PDZD2: variants seen among roughly 807,000 people sequenced by gnomAD.
PDZD2 encodes PDZ domain containing 2.
PDZD2 carries 90 observed loss-of-function variants against 220.7 expected under a neutral mutation model. The ratio of observed to expected loss-of-function variants is 0.41; its 90% CI spans 0.34 to 0.49. The LOEUF (loss-of-function observed/expected upper bound fraction) is 0.49. PDZD2 is among the 20% of genes least tolerant of loss of function. PDZD2 has a pLI of 0.28. For synonymous variants in PDZD2, 1,375 were observed against 1,450.5 expected, an observed-to-expected ratio of 0.95 and a Z score of 1.18; for missense variants, 3,174 against 3,608.5, an observed-to-expected ratio of 0.88 and a Z score of 3.08.
At chr5:31,842,633 T>C (rs897570578) in intron 2 of PDZD2, among the ~76,000 whole-genome samples, 1 of 152,336 alleles carries the variant, frequency 6.6e-6, no homozygotes, top group South Asian at 2.1e-4. Flanking sequence ...CACAGTTTCA[T>C]TGCTTGCGGA....
rs144635026 is a variant in PDZD2, at chr5:32,011,541, G to A, written c.1407+1059G>A. ...TAAGGCTCTGTGGTCTCTTCTTTGC[G>A]TCCCAAATCTGAAAGATGTGTCATT... On this transcript the variant is annotated intron_variant, in intron 6 of 24. Coordinates refer to ENST00000438447, the MANE Select transcript of PDZD2 (RefSeq NM_178140.4). 4.3e-3 allele frequency among the ~76,000 whole-genome samples: 652 copies of A among 152,036 alleles called. 2 individuals are homozygous for A. Among genetic ancestry groups the A allele is most frequent in the African/African-American group, 0.015 (614 of 41,492 alleles).
Position 32,012,295 on chromosome 5 carries a change from G to T in PDZD2, c.1407+1813G>T, listed in dbSNP as rs117391701. ...GCGAGGACAGCCCTGCAGCACGTCT[G>T]CACCCCCTCTGCTGAGCCTCCAAGC... On this transcript the variant is annotated intron_variant, in intron 6 of 24. Coordinates refer to ENST00000438447, the MANE Select transcript of PDZD2 (RefSeq NM_178140.4). Among the ~76,000 whole-genome samples the T allele has an allele frequency of 5.5e-4, 84 of 152,276 alleles. 1 individual carries two copies. The East Asian group carries it at 0.014, about 24-fold the overall frequency.
chr5:31,743,512 T>C (rs999451792), intron 1 of PDZD2, among the ~76,000 whole-genome samples: 2 of 152,188 alleles, frequency 1.3e-5, no homozygotes, highest in Non-Finnish European at 2.9e-5. Context: ...AGTGGAAGTC[T>C]GTCATATTTT....
chr5:31,954,572 A>G (rs932535022), intron 2 of PDZD2, among the ~76,000 whole-genome samples: 1 of 152,174 alleles, frequency 6.6e-6, no homozygotes, highest in Non-Finnish European at 1.5e-5. Flanking sequence ...ACGAGGTTAC[A>G]AAAGTACCAT....
intron 6 of PDZD2, among the ~76,000 whole-genome samples, chr5:32,035,046 A>G (rs1321929207): frequency 6.6e-6 from 1 of 152,104 alleles, no homozygotes; most frequent in Admixed American, 6.5e-5. Flanking sequence ...TTGTTTTCTC[A>G]ATGCCCCTTT....
chr5:31,784,020 CAG>C (rs1402657590), intron 1 of PDZD2, among the ~76,000 whole-genome samples: 3 of 152,184 alleles, frequency 2.0e-5, no homozygotes, highest in African/African-American at 7.2e-5. Context: ...CACAGGGCCT[CAG>C]GGCTCTGGGA....
intron 2 of PDZD2, among the ~76,000 whole-genome samples, chr5:31,942,807 T>G (rs1746321249): frequency 6.6e-6 from 1 of 152,314 alleles, no homozygotes; most frequent in East Asian, 1.9e-4. Flanking sequence ...CTCCCCAAGG[T>G]TGATGTGCTC....
At chr5:31,823,719 G>T (rs1756046214) in intron 2 of PDZD2, among the ~76,000 whole-genome samples, 1 of 152,132 alleles carries the variant, frequency 6.6e-6, no homozygotes, top group South Asian at 2.1e-4. Flanking sequence ...TATAGGAGCA[G>T]GAAAACCACC....
intron 1 of PDZD2, among the ~76,000 whole-genome samples, chr5:31,752,092 T>TTTTTTTTTTGG (rs1751033179): frequency 7.0e-6 from 1 of 142,896 alleles, no homozygotes; most frequent in Non-Finnish European, 1.5e-5. Flanking sequence ...TTTTTTTTTC[T>TTTTTTTTTTGG]GAGACAAGGT....
At chr5:31,937,871 C>T (rs1318585035) in intron 2 of PDZD2, among the ~76,000 whole-genome samples, 1 of 152,228 alleles carries the variant, frequency 6.6e-6, no homozygotes, top group Admixed American at 6.5e-5. Context: ...TCCCAGGGTT[C>T]CTGCTGGAAG....
At chr5:31,789,833 A>G (rs985359636) in intron 1 of PDZD2, among the ~76,000 whole-genome samples, 2 of 152,060 alleles carry the variant, frequency 1.3e-5, no homozygotes, top group Non-Finnish European at 2.9e-5. Flanking sequence ...CAAGAAAATC[A>G]CTTGAACCTG....
At chr5:31,904,825 A>G (rs748994611) in intron 2 of PDZD2, among the ~76,000 whole-genome samples, 1 of 152,194 alleles carries the variant, frequency 6.6e-6, no homozygotes, top group African/African-American at 2.4e-5. Context: ...GCGCAATTAC[A>G]TCGAATAAGG....
At chr5:31,781,489 C>G (rs768796965) in intron 1 of PDZD2, among the ~76,000 whole-genome samples, 4 of 152,164 alleles carry the variant, frequency 2.6e-5, no homozygotes, top group Non-Finnish European at 4.4e-5. Context: ...GGTGGGTATA[C>G]AGTGCACAGT....
At chr5:31,666,719 A>G (rs16901400) in intron 1 of PDZD2, among the ~76,000 whole-genome samples, 10,065 of 152,282 alleles carry the variant, frequency 0.066, 475 homozygotes, top group East Asian at 0.21. Context: ...GGGCCTGTAT[A>G]CCATAAGAGA....
At chr5:31,983,784 G>A in intron 3 of PDZD2, 128 bp downstream of exon 3, 2 of 972,794 alleles carry the variant, frequency 2.1e-6, no homozygotes, top group Non-Finnish European at 3.1e-6. Flanking sequence ...AATATTGTTT[G>A]AAGTTGCTTT....
Position 31,657,504 on chromosome 5 carries a change from A to C in PDZD2, c.-361+18067A>C, listed in dbSNP as rs1337101391. On this transcript the variant is annotated intron_variant, in intron 1 of 24. Coordinates refer to ENST00000438447, the MANE Select transcript of PDZD2 (RefSeq NM_178140.4). ...CTTATGACCCAGATCTGGGAAACAC[A>C]GTGACCTCATTTCACACCAGAATCA... The C allele has an allele frequency of 4.6e-5, 7 of 152,230 alleles. No individual in the cohort carries two copies. The East Asian group carries it at 1.3e-3, about 29-fold the overall frequency. The allele number at this position is 152,230 out of a possible 1,614,324, so 9.4% of individuals were successfully genotyped here. A position where few individuals can be genotyped will look rare whatever the true frequency, so the allele number is the denominator to read the frequency against.
rs577593217 is a variant in PDZD2, at chr5:32,014,506, G to T, written c.1407+4024G>T. On this transcript the variant is annotated intron_variant, in intron 6 of 24. Transcript: ENST00000438447. The stretch of plus-strand genomic sequence containing the variant: ...GCATAATTGTCAGTCATCTCAGTGG[G>T]GTCTGGCTTCAGTGACAGGGCTCGC... 6.6e-5 allele frequency among the ~76,000 whole-genome samples: 10 copies of T among 152,078 alleles called. No individual in the cohort carries two copies. In the South Asian group the frequency reaches 2.1e-3, roughly 32 times the overall value.
At chr5:31,642,599 T>G (rs1477913942) in intron 1 of PDZD2, among the ~76,000 whole-genome samples, 5 of 152,116 alleles carry the variant, frequency 3.3e-5, no homozygotes, top group African/African-American at 1.2e-4. Context: ...GAAGGAGGGT[T>G]TATTCATGAG....
intron 2 of PDZD2, among the ~76,000 whole-genome samples, chr5:31,887,589 C>T (rs929804390): frequency 2.0e-5 from 3 of 152,170 alleles, no homozygotes; most frequent in Admixed American, 2.0e-4. Context: ...TCTGCAGAGT[C>T]TGCTTCTCTC....
Sources: allele counts gnomAD v4.1 joint callset (sites outside exome capture counted in the v4.1 genomes callset), GRCh38; gene constraint gnomAD v4.1.1; transcripts MANE v1.5; gene names NCBI Gene and HGNC (gene_info 2026-07-23, HGNC 2026-07-21).